The following OBSL1 variants were observed in gnomAD, a reference collection of about 807,000 sequenced individuals.
OBSL1 encodes obscurin like cytoskeletal adaptor 1.
In OBSL1, 160 loss-of-function variants were observed where a neutral mutation model predicts 172.0. The observed-to-expected ratio is 0.93, with a 90% CI of 0.82 to 1.06. The LOEUF is 1.06. OBSL1 is among the 50% of genes least tolerant of loss of function. The probability of loss-of-function intolerance (pLI) is 0.00; values close to 1 mark genes in which losing one functional copy is unlikely to be tolerated. For missense variants in OBSL1, 2,681 were observed against 2,715.4 expected (o/e 0.99, Z 0.28); for synonymous variants, 1,200 against 1,196.3 (o/e 1.00, Z -0.06).
Position 219,551,111 on chromosome 2 carries a change from C to T in OBSL1, c.5684-269G>A, listed in dbSNP as rs951444955. 26 of 1,408,270 alleles carry T rather than the reference C, an allele frequency of 1.8e-5. No homozygotes were observed. In the East Asian group the frequency reaches 2.3e-4, roughly 13 times the overall value. 87.2% of individuals were successfully genotyped at this position (1,408,270 alleles called of 1,614,324 possible). ...GAAGAGGAAAGAAAGAGGCTTCTGC[C>T]AAGGCTGACATGGAACTTGCTGAGA... On this transcript the variant is annotated intron_variant, in intron 20 of 20. Transcript: ENST00000404537.
intron 8 of OBSL1, among the ~76,000 whole-genome samples, chr2:219,560,558 C>T (rs2106053168): frequency 6.6e-6 from 1 of 152,234 alleles, no homozygotes; most frequent in East Asian, 1.9e-4. Context: ...AGCCTCTGGC[C>T]CCCTGGTGGC....
chr2:219,556,851 TCGAC>T (rs1020661546), intron 12 of OBSL1, 128 bp from the exon 13 acceptor site: 8 of 1,026,832 alleles, frequency 7.8e-6, no homozygotes, highest in Middle Eastern at 2.8e-4. Context: ...CTACTATGTA[TCGAC>T]CACACCGATG....
Position 219,552,667 on chromosome 2 carries a change from C to T in OBSL1, c.5177G>A (p.Arg1726Gln). The change falls in exon 18 of 21, where the codon CGG becomes CAG. Residue 1726 changes from arginine to glutamine, a missense_variant. By Grantham distance (43) the Arg-to-Gln change is conservative. Transcript: ENST00000404537. ...GTCGCCTTCGCGGGCGCTCACCGACCGCAGCTCGGAGAGTACCGCCACAGT... is the reference window on the plus strand; with the variant it reads ...GTCGCCTTCGCGGGCGCTCACCGACTGCAGCTCGGAGAGTACCGCCACAGT... ...ERTVAVLSEL[R>Q]SVSAREGDGA... The T allele has an allele frequency of 1.3e-6, 2 of 1,538,542 alleles. No homozygotes were observed. Among genetic ancestry groups the T allele is most frequent in the Non-Finnish European group, 1.7e-6 (2 of 1,146,100 alleles).
Position 219,570,811 on chromosome 2 carries a change from C to CT in OBSL1, c.421_422insA (p.Arg141GlnfsTer113). The CT allele has an allele frequency of 6.7e-7, 1 of 1,485,320 alleles. No homozygotes were observed. Among genetic ancestry groups the CT allele is most frequent in the South Asian group, 1.3e-5 (1 of 77,266 alleles). The allele number at this position is 1,485,320 out of a possible 1,614,324, so 92.0% of individuals were successfully genotyped here. ...GCACGTCAGCACCACCTCCGCCCCC[C>CT]GCAGCACCCACTGGGATCGAGGCCC... is the stretch of plus-strand genomic sequence containing the variant. On this transcript the variant is annotated frameshift_variant, in exon 1 of 21. Coordinates refer to ENST00000404537, the MANE Select transcript of OBSL1 (RefSeq NM_015311.3). LOFTEE classifies it high-confidence loss of function.
Position 219,571,283 on chromosome 2 carries a change from T to TGG in OBSL1, c.-52_-51insCC. The TGG allele has an allele frequency of 1.3e-6, 1 of 785,986 alleles. No homozygotes were observed. The highest frequency in any genetic ancestry group is 4.7e-5 in the Admixed American group (1 of 21,098). The allele number at this position is 785,986 out of a possible 1,614,324, so 48.7% of individuals were successfully genotyped here. A position where few individuals can be genotyped will look rare whatever the true frequency, so the allele number is the denominator to read the frequency against. On this transcript the variant is annotated 5_prime_UTR_variant, in exon 1 of 21. Transcript: ENST00000404537. Reference sequence around the variant, plus strand: ...CGAACGGTGGGGGGGCAGGGGGGGGTGCGGAGGGCGAGCCGAGGCCCGGGG... The same window carrying TGG: ...CGAACGGTGGGGGGGCAGGGGGGGGTGGGCGGAGGGCGAGCCGAGGCCCGGGG...
At chr2:219,565,014 C>T (rs1336477337) in intron 6 of OBSL1, among the ~76,000 whole-genome samples, 1 of 152,148 alleles carries the variant, frequency 6.6e-6, no homozygotes, top group Non-Finnish European at 1.5e-5. Context: ...TTGCAATGAG[C>T]TGAGATCACG....
At chr2:219,555,651 T>C in intron 14 of OBSL1, 1 of 1,064,894 alleles carries the variant, frequency 9.4e-7, no homozygotes, top group South Asian at 3.9e-5. Flanking sequence ...AACAGAGGGC[T>C]CCAGCTTTGG....
At chr2:219,549,336 T>C (rs752059124), downstream of OBSL1, 54 of 1,613,146 alleles carry the variant, frequency 3.3e-5, 1 homozygote, top group South Asian at 5.1e-4. Context: ...AACGCTTCAA[T>C]GGAGACGTCC....
At position 219,571,180 on chromosome 2, in the gene OBSL1, G is replaced by GGGAAGCGCA; in HGVS notation, c.44_52dup (p.Leu15_Phe17dup). The GGGAAGCGCA allele has an allele frequency of 6.8e-7, 1 of 1,478,522 alleles. No individual in the cohort carries two copies. Among genetic ancestry groups the GGGAAGCGCA allele is most frequent in the Non-Finnish European group, 9.0e-7 (1 of 1,117,292 alleles). The allele number at this position is 1,478,522 out of a possible 1,614,324, so 91.6% of individuals were successfully genotyped here. A position where few individuals can be genotyped will look rare whatever the true frequency, so the allele number is the denominator to read the frequency against. On this transcript the variant is annotated inframe_insertion, in exon 1 of 21. Coordinates refer to ENST00000404537, the MANE Select transcript of OBSL1 (RefSeq NM_015311.3). ...GCCACTTACCACCCGCACAGGCCGCGGGAAGCGCAGGAAGCACGGGGGGCT... is the reference window on the plus strand; with the variant it reads ...GCCACTTACCACCCGCACAGGCCGCGGGAAGCGCAGGAAGCGCAGGAAGCACGGGGGGCT...
rs746154135 is a variant in OBSL1, at chr2:219,562,545, T to A, written c.2810A>T (p.Glu937Val). ...AEVRWTKDGEEVVESPALLLQ... is the reference protein window; with the variant it reads ...AEVRWTKDGEVVVESPALLLQ... ...GAGCAGCGCGGGGCTCTCCACCACC[T>A]CCTCTCCATCCTTGGTCCAGCGCAC... Residue 937 changes from glutamate to valine, a missense_variant, in exon 8 of 21, where the codon GAG (glutamate) becomes GTG (valine). By Grantham distance (121) the Glu-to-Val change is moderately radical. Transcript: ENST00000404537. 86 of 1,613,674 alleles carry A rather than the reference T, an allele frequency of 5.3e-5. No homozygotes were observed. The highest frequency in any genetic ancestry group is 6.9e-5 in the Non-Finnish European group (81 of 1,179,868).
chr2:219,558,706 C>G (rs991713166), intron 9 of OBSL1, among the ~76,000 whole-genome samples: 1 of 152,180 alleles, frequency 6.6e-6, no homozygotes, highest in African/African-American at 2.4e-5. Flanking sequence ...GGACCTGAGG[C>G]CTCTTTAGAA....
downstream of OBSL1, among the ~76,000 whole-genome samples, chr2:219,548,713 A>G (rs7557695): frequency 0.97 from 148,350 of 152,296 alleles, 72,369 homozygotes; most frequent in East Asian, 1. Context: ...GAAGGGCAAT[A>G]AGACTTTAAA....
chr2:219,571,085 G>A lies in OBSL1; in HGVS notation c.148C>T (p.Gln50Ter). ...AGGCGTTCCGAGGCCGCCAGCTGCT[G>A]CCCGCCCTTCTCCCACACCACTACA... ...PPVVVWEKGG[Q>*]QLAASERLSF... The change falls in exon 1 of 21, where the codon CAG becomes TAG. Residue 50 changes from glutamine (Q) to a stop codon, truncating the protein, a stop_gained. Coordinates refer to ENST00000404537, the MANE Select transcript of OBSL1 (RefSeq NM_015311.3). LOFTEE classifies it high-confidence loss of function. The A allele has an allele frequency of 6.8e-7, 1 of 1,469,420 alleles. No homozygotes were observed. The highest frequency in any genetic ancestry group is 1.3e-5 in the South Asian group (1 of 77,326). The allele number at this position is 1,469,420 out of a possible 1,614,324, so 91.0% of individuals were successfully genotyped here.
At chr2:219,552,005 G>C (rs908283628) in intron 19 of OBSL1, 107 bp downstream of exon 19, 7 of 1,182,070 alleles carry the variant, frequency 5.9e-6, no homozygotes, top group Non-Finnish European at 8.6e-6. Flanking sequence ...CCCTCGGGGG[G>C]AAGGGAAGAG....
At position 219,562,396 on chromosome 2, in the gene OBSL1, C is replaced by T; in HGVS notation, c.2953+6G>A. The T allele has an allele frequency of 1.2e-6, 2 of 1,612,442 alleles. No homozygotes were observed. Among genetic ancestry groups the T allele is most frequent in the Middle Eastern group, 1.7e-4 (1 of 6,054 alleles). On this transcript the variant is annotated splice_donor_region_variant and intron_variant, in intron 8 of 20. Coordinates refer to ENST00000404537, the MANE Select transcript of OBSL1 (RefSeq NM_015311.3). ...GTGACCCCGGGGAGCTGGGCTGGGCCCACACCTGTGACGGTGACAGTGAAG... is the reference window on the plus strand; with the variant it reads ...GTGACCCCGGGGAGCTGGGCTGGGCTCACACCTGTGACGGTGACAGTGAAG...
intron 10 of OBSL1, 21 bp downstream of exon 10, chr2:219,558,163 G>C: frequency 3.5e-5 from 56 of 1,609,058 alleles, no homozygotes; most frequent in Non-Finnish European, 4.6e-5. Context: ...TCCCTGCCCT[G>C]GGTTGGCCAG....
Position 219,568,829 on chromosome 2 carries a change from C to A in OBSL1, c.1013-505G>T, listed in dbSNP as rs1697125411. Among the ~76,000 whole-genome samples the A allele has an allele frequency of 1.3e-5, 2 of 151,848 alleles. No homozygotes were observed. The highest frequency in any genetic ancestry group is 4.2e-4 in the South Asian group (2 of 4,818). Reference sequence around the variant, plus strand: ...GCGCAATCTCGGCTCACTGCAACCTCCACCTCCTGGGTTCAAGCAATTCTG... The same window carrying A: ...GCGCAATCTCGGCTCACTGCAACCTACACCTCCTGGGTTCAAGCAATTCTG... On this transcript the variant is annotated intron_variant, in intron 1 of 20. Coordinates refer to ENST00000404537, the MANE Select transcript of OBSL1 (RefSeq NM_015311.3). This position sits in a 1 kb window ranked among gnomAD's most constrained non-coding sequence, Gnocchi z 4.1.
chr2:219,550,885 G>C, intron 20 of OBSL1, 43 bp from the exon 21 acceptor site: 1 of 1,602,950 alleles, frequency 6.2e-7, no homozygotes, highest in Non-Finnish European at 8.5e-7. Flanking sequence ...AGAGAAGGGG[G>C]TACCACCTTC....
In OBSL1 at chr2:219,563,508, C is replaced by T; in HGVS notation, c.2527G>A (p.Asp843Asn). The T allele has an allele frequency of 1.2e-6, 2 of 1,613,998 alleles. No homozygotes were observed. Among genetic ancestry groups the T allele is most frequent in the Non-Finnish European group, 1.7e-6 (2 of 1,179,882 alleles). The change falls in exon 7 of 21, where the codon GAC (aspartate) becomes AAC (asparagine). Residue 843 changes from aspartate (D) to asparagine (N), a missense_variant. Transcript: ENST00000404537. Reference protein sequence around the residue: ...REDAPVRWYKDGQEVEESDFV... With the variant: ...REDAPVRWYKNGQEVEESDFV... ...TCACTCTCCTCCACCTCCTGCCCGT[C>T]CTTGTACCAACGCACAGGGGCGTCC...
Sources: allele counts gnomAD v4.1 joint callset (sites outside exome capture counted in the v4.1 genomes callset), GRCh38; gene constraint gnomAD v4.1.1; non-coding constraint Gnocchi (gnomAD v3.1); transcripts MANE v1.5; gene names NCBI Gene and HGNC (gene_info 2026-07-23, HGNC 2026-07-21).